Variants in SYT2 observed in about 807,000 individuals in gnomAD.
The protein encoded by SYT2 is synaptotagmin 2, also known as synaptotagmin-2.
A neutral mutation model predicts 39.9 loss-of-function variants in SYT2; 15 were observed. That is an observed-to-expected ratio of 0.38 (90% CI 0.25 to 0.58). The LOEUF (loss-of-function observed/expected upper bound fraction) is 0.58, where lower values mean the gene tolerates loss of function less well. SYT2 is among the 20% of genes least tolerant of loss of function. SYT2 has a pLI of 0.70. For missense variants in SYT2, 389 were observed against 530.3 expected, an observed-to-expected ratio of 0.73 and a Z score of 2.62; for synonymous variants, 181 against 204.5, an observed-to-expected ratio of 0.89 and a Z score of 0.98.
At chr1:202,676,223 A>G (rs1297513011) in intron 1 of SYT2, among the ~76,000 whole-genome samples, 1 of 144,050 alleles carries the variant, frequency 6.9e-6, no homozygotes, top group Non-Finnish European at 1.5e-5. Flanking sequence ...CCCACTTCCC[A>G]CATTCAACCA....
At chr1:202,698,908 C>T (rs912543686) in intron 1 of SYT2, among the ~76,000 whole-genome samples, 2 of 152,018 alleles carry the variant, frequency 1.3e-5, no homozygotes, top group African/African-American at 4.8e-5. Context: ...AAGGGAAGCA[C>T]TTCAGGTCCC....
At chr1:202,669,542 G>A (rs575535190) in intron 1 of SYT2, among the ~76,000 whole-genome samples, 246 of 150,912 alleles carry the variant, frequency 1.6e-3, no homozygotes, top group African/African-American at 5.6e-3. Flanking sequence ...GCAGTGAGCC[G>A]AGATCACACC....
At chr1:202,644,808 G>A (rs540897800) in intron 1 of SYT2, among the ~76,000 whole-genome samples, 1 of 152,194 alleles carries the variant, frequency 6.6e-6, no homozygotes, top group South Asian at 2.1e-4. Flanking sequence ...CCCAATACCC[G>A]CAGTGAATCC....
chr1:202,615,907 C>T (rs1454696722), intron 1 of SYT2, among the ~76,000 whole-genome samples: 1 of 152,216 alleles, frequency 6.6e-6, no homozygotes, highest in Non-Finnish European at 1.5e-5. Flanking sequence ...ACTCCCTTGG[C>T]ATTTCTGTGG....
intron 1 of SYT2, chr1:202,636,505 T>C: frequency 1.6e-6 from 1 of 624,538 alleles, no homozygotes. Context: ...CCTCTCCACA[T>C]TTTTTAATGG....
intron 1 of SYT2, among the ~76,000 whole-genome samples, chr1:202,646,090 T>C (rs1313562869): frequency 1.3e-5 from 2 of 152,166 alleles, no homozygotes; most frequent in Non-Finnish European, 2.9e-5. Flanking sequence ...TGAGTCTACA[T>C]GGGCTGGGTG....
At chr1:202,604,661 GC>G in intron 2 of SYT2, 40 bp from the exon 3 acceptor site, 1 of 1,597,106 alleles carries the variant, frequency 6.3e-7, no homozygotes. Context: ...GCAGTGCCAT[GC>G]CTTGCAGCCC....
chr1:202,683,341 A>G (rs748761267), intron 1 of SYT2, among the ~76,000 whole-genome samples: 1 of 152,256 alleles, frequency 6.6e-6, no homozygotes, highest in Non-Finnish European at 1.5e-5. Context: ...TTGAAGCACA[A>G]TGACACAAGG....
At chr1:202,620,612 T>C (rs1295430972) in intron 1 of SYT2, among the ~76,000 whole-genome samples, 3 of 151,974 alleles carry the variant, frequency 2.0e-5, no homozygotes, top group East Asian at 1.9e-4. Context: ...CTCCCCCTGT[T>C]ATAAGCCCTC....
intron 1 of SYT2, among the ~76,000 whole-genome samples, chr1:202,620,564 G>A (rs527894316): frequency 5.9e-5 from 9 of 151,982 alleles, no homozygotes; most frequent in South Asian, 2.1e-4. Flanking sequence ...CTAGGGATAC[G>A]CCGGGATGGG....
chr1:202,654,399 C>T (rs1692244238), intron 1 of SYT2, among the ~76,000 whole-genome samples: 1 of 152,220 alleles, frequency 6.6e-6, no homozygotes, highest in Admixed American at 6.5e-5. Flanking sequence ...TAGGCCAGCC[C>T]TGTTTCTTCG....
chr1:202,652,147 T>C (rs1692206162), intron 1 of SYT2, among the ~76,000 whole-genome samples: 1 of 152,190 alleles, frequency 6.6e-6, no homozygotes, highest in Non-Finnish European at 1.5e-5. Flanking sequence ...AGAGAGTTGG[T>C]GGTGGCTGAT....
Position 202,592,527 on chromosome 1 carries a change from GA to G in SYT2, c.*4229del, listed in dbSNP as rs1382100406. Reference sequence around the variant, plus strand: ...CAGCATTGCCATGCGGCTATTTACAGAAAGTTATAGACATGCATCTTGATTA... The same window carrying G: ...CAGCATTGCCATGCGGCTATTTACAGAAGTTATAGACATGCATCTTGATTA... On this transcript the variant is annotated 3_prime_UTR_variant, in exon 9 of 9. Transcript: ENST00000367268. The G allele has an allele frequency of 6.6e-6, 1 of 152,254 alleles. No homozygotes were observed. The highest frequency in any genetic ancestry group is 2.4e-5 in the African/African-American group (1 of 41,466). The allele number at this position is 152,254 out of a possible 1,614,324, so 9.4% of individuals were successfully genotyped here.
intron 1 of SYT2, among the ~76,000 whole-genome samples, chr1:202,619,957 G>A (rs1691160409): frequency 6.6e-6 from 1 of 152,190 alleles, no homozygotes; most frequent in South Asian, 2.1e-4. Context: ...TAAGTGACCT[G>A]CCCAAGGTCA....
In SYT2 at chr1:202,593,827, T is replaced by A. The variant is rs1227273790; in HGVS notation, c.*2930A>T. The A allele has an allele frequency of 2.0e-5, 3 of 152,110 alleles. No homozygotes were observed. The highest frequency in any genetic ancestry group is 4.4e-5 in the Non-Finnish European group (3 of 68,054). 9.4% of individuals were successfully genotyped at this position (152,110 alleles called of 1,614,324 possible). Reference sequence around the variant, plus strand: ...TCTAAAAATCACCTCTATACTACTTTCCTTTCTCTGGAACAGACTTTGAGA... The same window carrying A: ...TCTAAAAATCACCTCTATACTACTTACCTTTCTCTGGAACAGACTTTGAGA... On this transcript the variant is annotated 3_prime_UTR_variant, in exon 9 of 9. Coordinates refer to ENST00000367268, the MANE Select transcript of SYT2 (RefSeq NM_177402.5).
chr1:202,610,582 T>G (rs572389611), intron 1 of SYT2, among the ~76,000 whole-genome samples: 39 of 152,284 alleles, frequency 2.6e-4, no homozygotes, highest in Non-Finnish European at 5.3e-4. Context: ...CCCCATCGTC[T>G]CAGCCCAAAA....
chr1:202,652,891 C>G (rs994474886), intron 1 of SYT2, among the ~76,000 whole-genome samples: 1 of 152,144 alleles, frequency 6.6e-6, no homozygotes, highest in Non-Finnish European at 1.5e-5. Flanking sequence ...CCTAAGATAA[C>G]CCATTTAAAG....
At chr1:202,704,688 CT>C (rs1654205473) in intron 1 of SYT2, among the ~76,000 whole-genome samples, 2 of 84,212 alleles carry the variant, frequency 2.4e-5, no homozygotes, top group Admixed American at 1.2e-4. Flanking sequence ...ACACACACGG[CT>C]GCTGGGCTTC....
At chr1:202,670,656 G>A (rs930581103) in intron 1 of SYT2, among the ~76,000 whole-genome samples, 4 of 152,182 alleles carry the variant, frequency 2.6e-5, no homozygotes, top group Non-Finnish European at 4.4e-5. Context: ...CATTTGTAAC[G>A]GCCAAGTCTG....
Sources: allele counts gnomAD v4.1 joint callset (sites outside exome capture counted in the v4.1 genomes callset), GRCh38; gene constraint gnomAD v4.1.1; transcripts MANE v1.5; gene names NCBI Gene and HGNC (gene_info 2026-07-23, HGNC 2026-07-21).